SPOP: variants seen among roughly 807,000 people sequenced by gnomAD.
SPOP encodes the protein speckle-type POZ protein.
A neutral mutation model predicts 45.6 loss-of-function variants in SPOP; 11 were observed. The observed-to-expected ratio is 0.24, with a 90% CI of 0.15 to 0.40. The LOEUF (loss-of-function observed/expected upper bound fraction) is 0.40. SPOP is among the 10% of genes least tolerant of loss of function. The probability of loss-of-function intolerance (pLI) is 1.00; values close to 1 mark genes in which losing one functional copy is unlikely to be tolerated. For synonymous variants in SPOP, 166 were observed against 166.3 expected (o/e 1.00, Z 0.01); for missense variants, 152 against 465.6 (o/e 0.33, Z 6.20).
chr17:49,626,115 G>T (rs956278279), intron 1 of SPOP, among the ~76,000 whole-genome samples: 3 of 152,042 alleles, frequency 2.0e-5, no homozygotes, highest in African/African-American at 7.3e-5. Flanking sequence ...GTTTTCAAAG[G>T]CCAAACAATA....
chr17:49,657,559 C>G (rs1198660998), intron 1 of SPOP, among the ~76,000 whole-genome samples: 6 of 151,834 alleles, frequency 4.0e-5, no homozygotes, highest in Non-Finnish European at 7.4e-5. Context: ...CCACCACGCC[C>G]AGCTAATTTT....
intron 3 of SPOP, chr17:49,620,798 T>C (rs2072208321): frequency 6.5e-6 from 1 of 153,664 alleles, no homozygotes; most frequent in Non-Finnish European, 1.5e-5. Context: ...ATATGTATCC[T>C]TAAGCCTTAT....
At chr17:49,662,822 G>A (rs772114486) in intron 1 of SPOP, among the ~76,000 whole-genome samples, 2 of 152,020 alleles carry the variant, frequency 1.3e-5, no homozygotes, top group African/African-American at 2.4e-5. Context: ...CTGCACTAAC[G>A]ATCCGGTAAA....
In SPOP at chr17:49,622,811, C is replaced by T. The variant is rs1445881208; in HGVS notation, c.-1G>A. On this transcript the variant is annotated 5_prime_UTR_variant, in exon 2 of 10. Coordinates refer to ENST00000504102, the MANE Select transcript of SPOP (RefSeq NM_001007228.2). Reference sequence around the variant, plus strand: ...GTGGAGGACTTGGAACCCTTGACATCGCCAGTTTGAAGGTTAAACGAGATT... The same window carrying T: ...GTGGAGGACTTGGAACCCTTGACATTGCCAGTTTGAAGGTTAAACGAGATT... 17 of 1,613,890 alleles carry T rather than the reference C, an allele frequency of 1.1e-5. No individual in the cohort carries two copies. The highest frequency in any genetic ancestry group is 1.6e-4 in the Middle Eastern group (1 of 6,082).
intron 1 of SPOP, among the ~76,000 whole-genome samples, chr17:49,675,456 G>C (rs570052831): frequency 5.3e-5 from 8 of 152,090 alleles, no homozygotes; most frequent in Non-Finnish European, 8.8e-5. Flanking sequence ...ATACTGTCTC[G>C]GGATGAATAA....
chr17:49,644,145 C>T (rs1379314610), intron 1 of SPOP, among the ~76,000 whole-genome samples: 2 of 152,062 alleles, frequency 1.3e-5, no homozygotes, highest in African/African-American at 2.4e-5. Flanking sequence ...GCAGGAGGAT[C>T]ACATGAGCTC....
intron 1 of SPOP, among the ~76,000 whole-genome samples, chr17:49,644,074 A>G (rs952501938): frequency 6.6e-6 from 1 of 151,402 alleles, no homozygotes; most frequent in Non-Finnish European, 1.5e-5. Flanking sequence ...AAATATTAAA[A>G]TACAAAGCTG....
rs1210991362 is a variant in SPOP at position 49,600,854 on chromosome 17, GA to G, written c.981-333del. 8.2e-6 allele frequency: 2 copies of G among 243,250 alleles called. No individual in the cohort carries two copies. The highest frequency in any genetic ancestry group is 4.8e-5 in the Admixed American group (1 of 20,752). 15.1% of individuals were successfully genotyped at this position (243,250 alleles called of 1,614,324 possible). A position where few individuals can be genotyped will look rare whatever the true frequency, so the allele number is the denominator to read the frequency against. On this transcript the variant is annotated intron_variant, in intron 9 of 9. Transcript: ENST00000504102. The surrounding 1 kb of genome is among the most constrained non-coding windows in gnomAD (Gnocchi z 4.2). ...AAAGGAGCATGGGCTCCCTCGGCCA[GA>G]AGCCCTGAGCTTCTGCCTGGCTTTG... is the stretch of plus-strand genomic sequence containing the variant.
chr17:49,639,012 G>A (rs888850180), intron 1 of SPOP, among the ~76,000 whole-genome samples: 11 of 152,180 alleles, frequency 7.2e-5, no homozygotes, highest in African/African-American at 2.7e-4. Flanking sequence ...GCAGGAGTCA[G>A]GCTGAATTCA....
chr17:49,643,932 GAAA>G (rs202083202), intron 1 of SPOP, among the ~76,000 whole-genome samples: 1 of 98,392 alleles, frequency 1.0e-5, no homozygotes. Context: ...CCGTCTCAAG[GAAA>G]AAAAAAAAAA....
chr17:49,647,947 C>T (rs2072786683), intron 1 of SPOP, among the ~76,000 whole-genome samples: 1 of 152,156 alleles, frequency 6.6e-6, no homozygotes, highest in South Asian at 2.1e-4. Flanking sequence ...TCTCCTTTGC[C>T]ACAAGCTTAC....
intron 5 of SPOP, among the ~76,000 whole-genome samples, chr17:49,614,799 T>C (rs1344823380): frequency 2.6e-5 from 3 of 115,700 alleles, no homozygotes; most frequent in African/African-American, 7.0e-5. Context: ...TCCCATGCTA[T>C]GAAGTGTGTG....
intron 1 of SPOP, among the ~76,000 whole-genome samples, chr17:49,625,842 GAGA>G (rs1425992924): frequency 1.3e-5 from 2 of 152,188 alleles, no homozygotes; most frequent in South Asian, 2.1e-4. Flanking sequence ...GGGAAGGAAG[GAGA>G]AGGAGACTGG....
At chr17:49,618,648 T>C (rs569914052) in intron 5 of SPOP, 257 of 458,018 alleles carry the variant, frequency 5.6e-4, no homozygotes, top group African/African-American at 4.8e-3. Flanking sequence ...AAACAACAGA[T>C]ACACATATTT....
intron 1 of SPOP, among the ~76,000 whole-genome samples, chr17:49,674,095 C>T (rs1320509981): frequency 2.0e-5 from 3 of 151,874 alleles, no homozygotes; most frequent in African/African-American, 7.3e-5. Flanking sequence ...TGCGGTGAGT[C>T]GAGATTGCAC....
intron 5 of SPOP, among the ~76,000 whole-genome samples, chr17:49,612,038 AC>A (rs1213087338): frequency 1.3e-5 from 2 of 152,102 alleles, no homozygotes; most frequent in Non-Finnish European, 2.9e-5. Flanking sequence ...GCATGCCACT[AC>A]ATCTGACTAA....
intron 1 of SPOP, among the ~76,000 whole-genome samples, chr17:49,624,324 C>T (rs896841597): frequency 8.6e-5 from 8 of 93,146 alleles, no homozygotes; most frequent in East Asian, 2.9e-4. Context: ...CACACACGCG[C>T]GCGCGCGCAC....
chr17:49,667,291 C>CT (rs2073074422), intron 1 of SPOP, among the ~76,000 whole-genome samples: 1 of 138,370 alleles, frequency 7.2e-6, no homozygotes, highest in African/African-American at 2.6e-5. Flanking sequence ...TATCCAGAGC[C>CT]TTAAAAAAAA....
At chr17:49,633,225 TCTC>T (rs1241728757) in intron 1 of SPOP, among the ~76,000 whole-genome samples, 1 of 152,146 alleles carries the variant, frequency 6.6e-6, no homozygotes, top group Non-Finnish European at 1.5e-5. Context: ...TTCTCCTTCC[TCTC>T]CTCAATCTGT....
Sources: allele counts gnomAD v4.1 joint callset (sites outside exome capture counted in the v4.1 genomes callset), GRCh38; gene constraint gnomAD v4.1.1; non-coding constraint Gnocchi (gnomAD v3.1); transcripts MANE v1.5; gene names NCBI Gene and HGNC (gene_info 2026-07-23, HGNC 2026-07-21).